Variants in ZNF43 observed in about 807,000 individuals in gnomAD.
ZNF43 encodes the protein zinc finger protein 39-like 1 (KOX 27).
In ZNF43, 44 loss-of-function variants were observed where a neutral mutation model predicts 68.4. The observed-to-expected ratio is 0.64, with a 90% CI of 0.51 to 0.83. ZNF43 has a LOEUF of 0.83. Ranked by LOEUF, ZNF43 falls within the 40% of genes least tolerant of loss-of-function variation. The probability of loss-of-function intolerance (pLI) is 0.00; values close to 1 mark genes in which losing one functional copy is unlikely to be tolerated. For missense variants in ZNF43, 896 were observed against 933.2 expected, an observed-to-expected ratio of 0.96 and a Z score of 0.52; for synonymous variants, 308 against 307.8, an observed-to-expected ratio of 1.00 and a Z score of -0.01.
chr19:21,844,921 A>AAATATATATATATATAT (rs1310761266), intron 1 of ZNF43, among the ~76,000 whole-genome samples: 1 of 26,052 alleles, frequency 3.8e-5, no homozygotes, highest in African/African-American at 2.2e-4. Flanking sequence ...AAAAAAAAAA[A>AAATATATATATATATAT]ATATATATAT....
intron 1 of ZNF43, chr19:21,841,424 C>A (rs1967526987): frequency 6.6e-6 from 1 of 152,222 alleles, no homozygotes; most frequent in Non-Finnish European, 1.5e-5. Flanking sequence ...AAGGCACAGA[C>A]AACAAAGTCA....
Position 21,808,915 on chromosome 19 carries a change from T to C in ZNF43, c.1122A>G (p.Glu374=). ...AGGACCGGCTAAAAGCTTCACCACA[T>C]TCTGTACATTTATAGAATTTCTCTG... ...HTAEKFYKCT[E]CGEAFSRSSN... The change falls in exon 4 of 4, where the codon GAA becomes GAG. Residue 374 remains glutamate, a synonymous_variant. Coordinates refer to ENST00000354959, the MANE Select transcript of ZNF43 (RefSeq NM_003423.4). 1 of 1,613,790 alleles carries C rather than the reference T, an allele frequency of 6.2e-7. No homozygotes were observed. Among genetic ancestry groups the C allele is most frequent in the Non-Finnish European group, 8.5e-7 (1 of 1,179,846 alleles).
intron 1 of ZNF43, among the ~76,000 whole-genome samples, chr19:21,841,914 C>G (rs770239558): frequency 1.6e-4 from 24 of 152,192 alleles, no homozygotes; most frequent in Non-Finnish European, 3.4e-4. Context: ...TCACCAATAC[C>G]TAGGTGAAAC....
intron 3 of ZNF43, among the ~76,000 whole-genome samples, chr19:21,811,546 A>AC (rs953625335): frequency 2.0e-5 from 3 of 150,794 alleles, no homozygotes; most frequent in African/African-American, 7.3e-5. Flanking sequence ...AAAAAAAAAA[A>AC]CAAAAAAAAA....
Position 21,809,670 on chromosome 19 carries a change from C to G in ZNF43, c.367G>C (p.Glu123Gln), listed in dbSNP as rs923835849. ...TAACCTCCTCTGTGCACCTTACACT[C>G]ATCCACACTTTTATGGTCTTTTTTT... ...HLKKDHKSVD[E>Q]CKVHRGGYNG... is the part of the protein sequence containing the mutation. The change falls in exon 4 of 4, where the codon GAG becomes CAG. Residue 123 changes from glutamate (E) to glutamine (Q), a missense_variant. Coordinates refer to ENST00000354959, the MANE Select transcript of ZNF43 (RefSeq NM_003423.4). The G allele has an allele frequency of 6.2e-7, 1 of 1,613,504 alleles. No individual in the cohort carries two copies. The highest frequency in any genetic ancestry group is 8.5e-7 in the Non-Finnish European group (1 of 1,179,834).
upstream of ZNF43, chr19:21,836,333 AAG>A: frequency 9.3e-7 from 1 of 1,076,752 alleles, no homozygotes; most frequent in Non-Finnish European, 1.2e-6. Flanking sequence ...GCTGGGCTGA[AAG>A]AAGAAAGAAT....
chr19:21,842,137 A>T lies in ZNF43; in HGVS notation c.30+9768T>A, dbSNP rs374248858. On this transcript the variant is annotated intron_variant, in intron 1 of 3. Transcript: ENST00000357491. ...GAAAAATCACAATCCCTGGCCAGGC[A>T]TGGTGGCTCACACCTGTAATCTCAG... Among the ~76,000 whole-genome samples, 12 of 152,212 alleles carry T rather than the reference A, an allele frequency of 7.9e-5. No homozygotes were observed. In the East Asian group the frequency reaches 2.1e-3, roughly 27 times the overall value.
chr19:21,829,908 A>G (rs763428685), intron 1 of ZNF43, among the ~76,000 whole-genome samples: 5 of 152,214 alleles, frequency 3.3e-5, no homozygotes, highest in Non-Finnish European at 7.3e-5. Flanking sequence ...AACAGAGGAC[A>G]AGAAATGAAA....
chr19:21,844,107 G>C (rs1272102741), intron 1 of ZNF43, among the ~76,000 whole-genome samples: 1 of 152,042 alleles, frequency 6.6e-6, no homozygotes, highest in African/African-American at 2.4e-5. Flanking sequence ...ATAAAACCAT[G>C]ATCGTACCTG....
intron 1 of ZNF43, among the ~76,000 whole-genome samples, chr19:21,823,571 C>CTTTTTT (rs10605024): frequency 2.4e-5 from 2 of 83,516 alleles, no homozygotes; most frequent in Non-Finnish European, 4.3e-5. Context: ...AGAATCAGGC[C>CTTTTTT]TTTTTTTTTT....
intron 1 of ZNF43, among the ~76,000 whole-genome samples, chr19:21,833,530 A>C (rs921265125): frequency 6.6e-6 from 1 of 151,278 alleles, no homozygotes. Context: ...TCGGCCTCCC[A>C]AAGTGTTGGG....
At chr19:21,819,293 G>T in intron 1 of ZNF43, 72 bp from the exon 2 acceptor site, 1 of 1,470,404 alleles carries the variant, frequency 6.8e-7, no homozygotes, top group South Asian at 1.5e-5. Context: ...TTTATAATTT[G>T]ACTCAAGGTA....
In ZNF43 at chr19:21,807,756, G is replaced by A. The variant is rs766481468; in HGVS notation, c.2281C>T (p.Pro761Ser). Residue 761 changes from proline to serine, a missense_variant, in exon 4 of 4, where the codon CCC becomes TCC. Transcript: ENST00000354959. Reference sequence around the variant, plus strand: ...TTGCCACATTCTTTACATTTGTAGGGTTGCTCTTTAGTATGAATTCTCTTA... The same window carrying A: ...TTGCCACATTCTTTACATTTGTAGGATTGCTCTTTAGTATGAATTCTCTTA... ...THKRIHTKEQ[P>S]YKCKECGKAF... 6.2e-7 allele frequency: 1 copy of A among 1,613,564 alleles called. No individual in the cohort carries two copies.
upstream of ZNF43, among the ~76,000 whole-genome samples, chr19:21,836,731 TG>T (rs1413241929): frequency 2.6e-5 from 4 of 152,152 alleles, no homozygotes; most frequent in African/African-American, 9.7e-5. Context: ...ACCACTGGCA[TG>T]TGGCCCCATG....
At chr19:21,823,571 C>CTTTTTTTTTT (rs10605024) in intron 1 of ZNF43, among the ~76,000 whole-genome samples, 1 of 83,498 alleles carries the variant, frequency 1.2e-5, no homozygotes, top group Non-Finnish European at 2.1e-5. Flanking sequence ...AGAATCAGGC[C>CTTTTTTTTTT]TTTTTTTTTT....
chr19:21,850,487 G>C (rs1328477599), intron 1 of ZNF43, among the ~76,000 whole-genome samples: 1 of 151,852 alleles, frequency 6.6e-6, no homozygotes, highest in East Asian at 2.0e-4. Flanking sequence ...TTGAACCTGG[G>C]AAGCGGAAGT....
rs138685751 is a variant in ZNF43, at chr19:21,809,393, G to A, written c.644C>T (p.Ser215Leu). 3.1e-6 allele frequency: 5 copies of A among 1,613,436 alleles called. No individual in the cohort carries two copies. Among genetic ancestry groups the A allele is most frequent in the African/African-American group, 1.3e-5 (1 of 74,842 alleles). The change falls in exon 4 of 4, where the codon TCA becomes TTA. Residue 215 changes from serine to leucine, a missense_variant. Ser to Leu is a moderately radical substitution (Grantham distance 145, BLOSUM62 -2). Transcript: ENST00000354959. The stretch of plus-strand genomic sequence containing the variant: ...AATTCTCTTATGTTTAGTGATGATT[G>A]AAGGGCAGTTAAAAGCTTTTCCACA... Reference protein sequence around the residue: ...EKCGKAFNCPSIITKHKRINT... With the variant: ...EKCGKAFNCPLIITKHKRINT...
chr19:21,852,024 A>T, exon 1 of ZNF43: 4 of 1,425,640 alleles, frequency 2.8e-6, no homozygotes, highest in Non-Finnish European at 3.8e-6. Flanking sequence ...GAGAACGCGG[A>T]AAAGCAGAGG....
At chr19:21,836,272 A>G, upstream of ZNF43, 1 of 1,358,816 alleles carries the variant, frequency 7.4e-7, no homozygotes. Flanking sequence ...CTGATTGGAT[A>G]ACTTCTAAGG....
Sources: allele counts gnomAD v4.1 joint callset (sites outside exome capture counted in the v4.1 genomes callset), GRCh38; gene constraint gnomAD v4.1.1; transcripts MANE v1.5; gene names NCBI Gene and HGNC (gene_info 2026-07-23, HGNC 2026-07-21).